The following LHCGR variants were observed in gnomAD, a reference collection of about 807,000 sequenced individuals.
LHCGR encodes the protein luteinizing hormone/choriogonadotropin receptor.
In LHCGR, 55 loss-of-function variants were observed where a neutral mutation model predicts 60.7. The ratio of observed to expected loss-of-function variants is 0.91; its 90% CI spans 0.73 to 1.13. The LOEUF (loss-of-function observed/expected upper bound fraction) is 1.13. Among genes scored for constraint, LHCGR ranks in the 50% most tolerant of loss-of-function variants. The pLI is 0.00. For missense variants in LHCGR, 862 were observed against 836.0 expected (o/e 1.03, Z -0.38); for synonymous variants, 337 against 316.5 (o/e 1.06, Z -0.69).
chr2:48,709,634 A>G (rs1010460566), intron 7 of LHCGR, among the ~76,000 whole-genome samples: 2 of 152,128 alleles, frequency 1.3e-5, no homozygotes, highest in African/African-American at 2.4e-5. Flanking sequence ...CGCCAGGTGT[A>G]TGTGTGTGTC....
chr2:48,720,837 G>A (rs1377317426), intron 6 of LHCGR: 1 of 152,292 alleles, frequency 6.6e-6, no homozygotes, highest in East Asian at 1.9e-4. Context: ...TAAAAGTAGG[G>A]TTGATAGTTC....
chr2:48,747,358 C>T (rs6732424), intron 1 of LHCGR, among the ~76,000 whole-genome samples: 106,501 of 152,088 alleles, frequency 0.7, 37,550 homozygotes, highest in African/African-American at 0.77. Flanking sequence ...TCCAGAAGTG[C>T]TGGGATTACA....
chr2:48,708,430 C>A (rs1402551821), intron 8 of LHCGR, among the ~76,000 whole-genome samples: 1 of 152,072 alleles, frequency 6.6e-6, no homozygotes, highest in Non-Finnish European at 1.5e-5. Context: ...GTACCTCAGA[C>A]CTTATTTAGA....
intron 6 of LHCGR, among the ~76,000 whole-genome samples, chr2:48,717,331 A>G (rs1262406923): frequency 6.6e-6 from 1 of 152,204 alleles, no homozygotes; most frequent in African/African-American, 2.4e-5. Flanking sequence ...GTCTGCAGGC[A>G]CTGAACCCAA....
chr2:48,714,085 G>A (rs990828447), intron 6 of LHCGR, 31 bp from the exon 7 acceptor site: 56 of 1,505,288 alleles, frequency 3.7e-5, no homozygotes, highest in Non-Finnish European at 4.6e-5. Flanking sequence ...TTTAGGAATG[G>A]GAAGAAACTG....
At chr2:48,713,928 G>A in intron 7 of LHCGR, 58 bp downstream of exon 7, 1 of 1,276,136 alleles carries the variant, frequency 7.8e-7, no homozygotes. Flanking sequence ...ATGTGATCTT[G>A]TAGCCAGAGT....
At chr2:48,709,043 CT>C in intron 7 of LHCGR, 21 bp from the exon 8 acceptor site, 1 of 1,600,326 alleles carries the variant, frequency 6.2e-7, no homozygotes, top group Non-Finnish European at 8.6e-7. Flanking sequence ...GGATATTGCC[CT>C]TAGTGGAGTT....
rs141721444 is a variant in LHCGR, at chr2:48,721,929, G to A, written c.536+1527C>T. On this transcript the variant is annotated intron_variant, in intron 6 of 10. Coordinates refer to ENST00000294954, the MANE Select transcript of LHCGR (RefSeq NM_000233.4). Reference sequence around the variant, plus strand: ...CACTTTGGGAGGCCGAGGAGGGCAGGTCATGAGGTCAAGAGATGGAGACAA... The same window carrying A: ...CACTTTGGGAGGCCGAGGAGGGCAGATCATGAGGTCAAGAGATGGAGACAA... 2,113 of 380,594 alleles carry A rather than the reference G, an allele frequency of 5.6e-3. 49 individuals carry two copies. Among genetic ancestry groups the A allele is most frequent in the East Asian group, 0.025 (343 of 13,910 alleles). The allele number at this position is 380,594 out of a possible 1,614,324, so 23.6% of individuals were successfully genotyped here. A position where few individuals can be genotyped will look rare whatever the true frequency, so the allele number is the denominator to read the frequency against.
chr2:48,752,557 C>G (rs1271796690), intron 1 of LHCGR, among the ~76,000 whole-genome samples: 1 of 148,566 alleles, frequency 6.7e-6, no homozygotes, highest in Non-Finnish European at 1.5e-5. Flanking sequence ...GAACTGATAA[C>G]TTGCCATCAT....
At position 48,688,630 on chromosome 2, in the gene LHCGR, G is replaced by A. The variant is rs1680031088; in HGVS notation, c.1167C>T (p.Tyr389=). The change falls in exon 11 of 11, where the codon TAC becomes TAT. Residue 389 remains tyrosine (Y), a synonymous_variant. Transcript: ENST00000294954. The surrounding 1 kb of genome is among the most constrained non-coding windows in gnomAD (Gnocchi z 5.2). ...TVLFVLLTSR[Y]KLTVPRFLMC... ...TGAGAAAACGAGGCACTGTAAGTTT[G>A]TAACGACTTGTCAGGAGAACAAAAA... 6.2e-7 allele frequency: 1 copy of A among 1,614,180 alleles called. No individual in the cohort carries two copies.
At chr2:48,719,346 A>G (rs1021506500) in intron 6 of LHCGR, among the ~76,000 whole-genome samples, 1 of 152,142 alleles carries the variant, frequency 6.6e-6, no homozygotes, top group African/African-American at 2.4e-5. Flanking sequence ...AACACAGTAG[A>G]GAGACCCAGC....
In LHCGR at chr2:48,687,540, A is replaced by T; in HGVS notation, c.*157T>A. ...AATAGTTTTTAGTGTGGCAGTGGTCATAGACTACACTTTCTACTAGGTAGA... is the reference window on the plus strand; with the variant it reads ...AATAGTTTTTAGTGTGGCAGTGGTCTTAGACTACACTTTCTACTAGGTAGA... On this transcript the variant is annotated 3_prime_UTR_variant, in exon 11 of 11. Transcript: ENST00000294954. The T allele has an allele frequency of 1.6e-6, 1 of 629,912 alleles. No homozygotes were observed. The highest frequency in any genetic ancestry group is 2.0e-5 in the South Asian group (1 of 50,726). The allele number at this position is 629,912 out of a possible 1,614,324, so 39.0% of individuals were successfully genotyped here.
intron 1 of LHCGR, among the ~76,000 whole-genome samples, chr2:48,741,666 T>G (rs1268295028): frequency 6.6e-6 from 1 of 151,448 alleles, no homozygotes; most frequent in African/African-American, 2.4e-5. Context: ...CCACCAGGCC[T>G]GCCCTAAAAG....
intron 10 of LHCGR, among the ~76,000 whole-genome samples, chr2:48,690,182 G>T (rs1680156144): frequency 6.6e-6 from 1 of 152,126 alleles, no homozygotes; most frequent in Non-Finnish European, 1.5e-5. Context: ...GCTCTTACTG[G>T]CTATGAGATA....
chr2:48,747,468 T>C (rs1024227085), intron 1 of LHCGR, among the ~76,000 whole-genome samples: 4 of 152,208 alleles, frequency 2.6e-5, no homozygotes, highest in Admixed American at 6.5e-5. Flanking sequence ...GTAGCAACCA[T>C]TATGAGGTTG....
At position 48,755,598 on chromosome 2, in the gene LHCGR, A is replaced by C. The variant is rs549032969; in HGVS notation, c.74T>G (p.Leu25Arg). 8 of 1,537,542 alleles carry C rather than the reference A, an allele frequency of 5.2e-6. No individual in the cohort carries two copies. In the East Asian group the frequency reaches 2.0e-4, roughly 38 times the overall value. The change falls in exon 1 of 11, where the codon CTG (leucine) becomes CGG (arginine). Residue 25 changes from leucine (L) to arginine (R), a missense_variant. By Grantham distance (102) the Leu-to-Arg change is moderately radical. Coordinates refer to ENST00000294954, the MANE Select transcript of LHCGR (RefSeq NM_000233.4). ...GGGCTCAGGGCAGAGCGCCTCGCGC[A>C]GCGCTCGTGGCAGCGGCGGCTGCAG... is the stretch of plus-strand genomic sequence containing the variant. ...LLLQPPLPRA[L>R]REALCPEPCN...
At chr2:48,701,795 G>C (rs936901152) in intron 8 of LHCGR, among the ~76,000 whole-genome samples, 2 of 152,234 alleles carry the variant, frequency 1.3e-5, no homozygotes, top group African/African-American at 4.8e-5. Context: ...CACATAGTAT[G>C]GGTTCATAAG....
At chr2:48,691,841 G>A (rs1208454659) in intron 10 of LHCGR, among the ~76,000 whole-genome samples, 2 of 116,564 alleles carry the variant, frequency 1.7e-5, no homozygotes, top group Non-Finnish European at 3.3e-5. Flanking sequence ...CTGAGATTCT[G>A]TCTCAAAAAA....
chr2:48,690,512 G>A (rs1680178268), intron 10 of LHCGR, among the ~76,000 whole-genome samples: 1 of 152,172 alleles, frequency 6.6e-6, no homozygotes, highest in Non-Finnish European at 1.5e-5. Context: ...ATCAATATTA[G>A]GGATTCTTAA....
Sources: allele counts gnomAD v4.1 joint callset (sites outside exome capture counted in the v4.1 genomes callset), GRCh38; gene constraint gnomAD v4.1.1; non-coding constraint Gnocchi (gnomAD v3.1); transcripts MANE v1.5; gene names NCBI Gene and HGNC (gene_info 2026-07-23, HGNC 2026-07-21).